Variants in CEP128 observed in about 807,000 individuals in gnomAD.
The protein encoded by CEP128 is centrosomal protein 128, also known as centrosomal protein 128kDa.
In CEP128, 132 loss-of-function variants were observed where a neutral mutation model predicts 156.7. That is an observed-to-expected ratio of 0.84 (90% CI 0.73 to 0.97). The LOEUF (loss-of-function observed/expected upper bound fraction) is 0.97. CEP128 is among the 50% of genes least tolerant of loss of function. The pLI, the probability that CEP128 is intolerant of heterozygous loss-of-function variation, is 0.00. For synonymous variants in CEP128, 469 were observed against 448.9 expected, an observed-to-expected ratio of 1.04 and a Z score of -0.57; for missense variants, 1,252 against 1,281.9, an observed-to-expected ratio of 0.98 and a Z score of 0.36.
At chr14:80,778,135 A>C (rs1900902431) in intron 15 of CEP128, 89 bp from the exon 16 acceptor site, 1 of 1,075,650 alleles carries the variant, frequency 9.3e-7, no homozygotes, top group Admixed American at 2.3e-5. Context: ...GTGGAAAAAC[A>C]CTGCAAGATT....
intron 21 of CEP128, among the ~76,000 whole-genome samples, chr14:80,542,481 A>G (rs1889808661): frequency 1.3e-5 from 2 of 152,192 alleles, no homozygotes; most frequent in Admixed American, 1.3e-4. Flanking sequence ...ATAAAAACAA[A>G]AAACAGAACT....
chr14:80,585,955 T>TA (rs1404967913), intron 19 of CEP128, among the ~76,000 whole-genome samples: 1 of 152,228 alleles, frequency 6.6e-6, no homozygotes, highest in Non-Finnish European at 1.5e-5. Flanking sequence ...ATGATGGACT[T>TA]AGCCTTCTAT....
At chr14:80,708,801 C>A (rs1238005524) in intron 19 of CEP128, among the ~76,000 whole-genome samples, 1 of 151,952 alleles carries the variant, frequency 6.6e-6, no homozygotes, top group Non-Finnish European at 1.5e-5. Context: ...AAACTTCTGG[C>A]CCATTTAAAA....
intron 19 of CEP128, among the ~76,000 whole-genome samples, chr14:80,676,094 G>C (rs528599270): frequency 1.5e-4 from 23 of 152,078 alleles, no homozygotes; most frequent in Middle Eastern, 3.4e-3. Context: ...AAGTGTTGCT[G>C]GTATTTTTAT....
chr14:80,713,716 A>G (rs1289158091), intron 19 of CEP128, among the ~76,000 whole-genome samples: 1 of 152,216 alleles, frequency 6.6e-6, no homozygotes, highest in Non-Finnish European at 1.5e-5. Context: ...CTTAAAGCAT[A>G]ACTTTTTAAA....
At chr14:80,620,802 T>C (rs1410406262) in intron 19 of CEP128, among the ~76,000 whole-genome samples, 5 of 152,224 alleles carry the variant, frequency 3.3e-5, no homozygotes, top group Admixed American at 6.5e-5. Flanking sequence ...GTCAGGTAGA[T>C]ATGCTATAGT....
chr14:80,646,115 T>C (rs1894620450), intron 19 of CEP128, among the ~76,000 whole-genome samples: 2 of 152,164 alleles, frequency 1.3e-5, no homozygotes, highest in South Asian at 4.1e-4. Flanking sequence ...TGTAGAATAT[T>C]ACAATGGTAA....
At chr14:80,480,370 G>T (rs1887027828) in intron 14 of CEP128, among the ~76,000 whole-genome samples, 1 of 152,112 alleles carries the variant, frequency 6.6e-6, no homozygotes, top group Admixed American at 6.5e-5. Context: ...GTACCCGCAG[G>T]CTCAACACCA....
At chr14:80,863,179 G>A (rs1887602353) in intron 8 of CEP128, among the ~76,000 whole-genome samples, 1 of 152,148 alleles carries the variant, frequency 6.6e-6, no homozygotes, top group Non-Finnish European at 1.5e-5. Flanking sequence ...CTAGAAAAGA[G>A]TGCCCTCTGG....
At chr14:80,510,322 G>A (rs1239331705) in intron 23 of CEP128, among the ~76,000 whole-genome samples, 1 of 151,956 alleles carries the variant, frequency 6.6e-6, no homozygotes, top group Non-Finnish European at 1.5e-5. Flanking sequence ...AGTTTTCATT[G>A]TAGAGATCTT....
At chr14:80,852,345 T>C (rs762792178) in intron 9 of CEP128, among the ~76,000 whole-genome samples, 4 of 151,750 alleles carry the variant, frequency 2.6e-5, no homozygotes, top group Non-Finnish European at 4.4e-5. Context: ...TGTAACAAAT[T>C]ATAAAAGATT....
intron 19 of CEP128, among the ~76,000 whole-genome samples, chr14:80,673,661 AAAAAAAAAAAT>A (rs1330709241): frequency 1.3e-5 from 2 of 148,648 alleles, no homozygotes; most frequent in Non-Finnish European, 3.0e-5. Context: ...AAAAAAAAAA[AAAAAAAAAAAT>A]GTACTAAAGC....
chr14:80,796,844 T>C (rs999274881), intron 13 of CEP128, among the ~76,000 whole-genome samples: 2 of 152,154 alleles, frequency 1.3e-5, no homozygotes, highest in African/African-American at 4.8e-5. Context: ...CTCACAGGCA[T>C]CTTAAATTTA....
chr14:80,779,958 C>T (rs1200444582), intron 15 of CEP128, among the ~76,000 whole-genome samples: 1 of 152,180 alleles, frequency 6.6e-6, no homozygotes, highest in Non-Finnish European at 1.5e-5. Flanking sequence ...AAACACAGAA[C>T]TCCAATCCTG....
chr14:80,872,119 A>G (rs1310352823), intron 8 of CEP128, among the ~76,000 whole-genome samples: 1 of 152,130 alleles, frequency 6.6e-6, no homozygotes, highest in Non-Finnish European at 1.5e-5. Context: ...TTTAATAGTG[A>G]TCCTCCTATA....
chr14:80,854,744 G>A (rs115486584), intron 9 of CEP128, among the ~76,000 whole-genome samples: 1 of 152,150 alleles, frequency 6.6e-6, no homozygotes, highest in African/African-American at 2.4e-5. Context: ...AAAGAACTAC[G>A]TGAGAAATAA....
chr14:80,840,649 T>C (rs941687475), intron 10 of CEP128, 33 bp downstream of exon 10: 2 of 1,424,560 alleles, frequency 1.4e-6, no homozygotes, highest in Non-Finnish European at 2.0e-6. Context: ...CCAAACCACT[T>C]TATTCTTTGA....
chr14:80,857,856 T>C (rs1204047454), intron 9 of CEP128, among the ~76,000 whole-genome samples: 2 of 152,026 alleles, frequency 1.3e-5, no homozygotes, highest in Non-Finnish European at 2.9e-5. Flanking sequence ...ATACAACCCA[T>C]TTAAAATACT....
At chr14:80,888,310 T>C (rs1018774820) in intron 8 of CEP128, among the ~76,000 whole-genome samples, 4 of 152,168 alleles carry the variant, frequency 2.6e-5, no homozygotes, top group African/African-American at 9.6e-5. Flanking sequence ...TACCAAAACC[T>C]GGCAGAAACA....
Sources: gnomAD v4.1 joint callset for allele counts (sites outside exome capture counted in the v4.1 genomes callset) on GRCh38, gnomAD v4.1.1 for gene constraint, MANE v1.5 for transcripts, NCBI Gene and HGNC (gene_info 2026-07-23, HGNC 2026-07-21) for gene names.